The following EIF3CL variants were observed in gnomAD, a reference collection of about 807,000 sequenced individuals.
EIF3CL encodes the protein eukaryotic translation initiation factor 3 subunit C-like protein.
For missense variants in EIF3CL, 5 were observed against 56.1 expected (o/e 0.09, Z 2.91); for synonymous variants, 2 against 19.6 (o/e 0.10, Z 2.37).
chr16:28,414,661 A>AC, the EIF3CL span: 5 of 329,844 alleles, frequency 1.5e-5, 1 homozygote, highest in African/African-American at 1.2e-4. Context: ...AGCTTCAAGG[A>AC]CGAGCTGGAA....
chr16:28,421,893 A>G, the EIF3CL span, among the ~76,000 whole-genome samples: 1,518 of 111,270 alleles, frequency 0.014, 32 homozygotes, highest in African/African-American at 0.046. Context: ...TTATGGTTTA[A>G]TCACTTGAGA....
chr16:28,423,891 G>A, the EIF3CL span, among the ~76,000 whole-genome samples: 2 of 113,854 alleles, frequency 1.8e-5, no homozygotes, highest in African/African-American at 5.6e-5. Context: ...GCACTATCTC[G>A]GCTCACTGCA....
the EIF3CL span, among the ~76,000 whole-genome samples, chr16:28,412,279 T>TG: frequency 6.4e-5 from 1 of 15,636 alleles, no homozygotes; most frequent in East Asian, 1.7e-3. Flanking sequence ...TTTTTTTTTT[T>TG]TTTTTTTTTT....
rs1301042951 is a variant in EIF3CL at position 28,386,199 on chromosome 16, G to A, written c.1821+1859C>T. 3.4e-4 allele frequency among the ~76,000 whole-genome samples: 20 copies of A among 58,574 alleles called. 1 individual carries two copies. Among genetic ancestry groups the A allele is most frequent in the Non-Finnish European group, 5.2e-4 (14 of 26,948 alleles). 38.4% of individuals were successfully genotyped at this position (58,574 alleles called of 152,430 possible). On this transcript the variant is annotated intron_variant, in intron 15 of 20. Transcript: ENST00000380876. Reference sequence around the variant, plus strand: ...CTGCACTCCAGCCTGCCGACAGAGCGAGACTCCGTCTCCAAAAAAAAAAAA... The same window carrying A: ...CTGCACTCCAGCCTGCCGACAGAGCAAGACTCCGTCTCCAAAAAAAAAAAA...
chr16:28,417,270 G>T, the EIF3CL span, among the ~76,000 whole-genome samples: 1 of 149,392 alleles, frequency 6.7e-6, no homozygotes, highest in Non-Finnish European at 1.5e-5. Flanking sequence ...CCCCTACTGG[G>T]AAGTGAGGAG....
At chr16:28,415,488 A>G in the EIF3CL span, among the ~76,000 whole-genome samples, 1 of 142,120 alleles carries the variant, frequency 7.0e-6, no homozygotes, top group Non-Finnish European at 1.5e-5. Flanking sequence ...GGTGGCTCAC[A>G]CCCGTAATCC....
chr16:28,417,032 C>A, the EIF3CL span, among the ~76,000 whole-genome samples: 1 of 50,420 alleles, frequency 2.0e-5, no homozygotes, highest in Non-Finnish European at 4.2e-5. Flanking sequence ...CAGCCCCCCC[C>A]GCCCGGCCAG....
chr16:28,422,238 T>TTTG, the EIF3CL span, among the ~76,000 whole-genome samples: 3 of 97,750 alleles, frequency 3.1e-5, no homozygotes, highest in South Asian at 3.0e-4. Flanking sequence ...GTGGTTCTTC[T>TTTG]TTGTTGTTGT....
chr16:28,418,964 C>T, the EIF3CL span, among the ~76,000 whole-genome samples: 24 of 148,104 alleles, frequency 1.6e-4, no homozygotes, highest in Admixed American at 9.5e-4. Context: ...CTAGTCTCTG[C>T]GACTCTCCAG....
At chr16:28,403,227 G>C (rs1265913760) in intron 2 of EIF3CL, among the ~76,000 whole-genome samples, 1 of 73,080 alleles carries the variant, frequency 1.4e-5, no homozygotes, top group African/African-American at 4.5e-5. Flanking sequence ...GGTAAAATGA[G>C]AGGAGACAGG....
chr16:28,422,758 A>T, the EIF3CL span, among the ~76,000 whole-genome samples: 1 of 136,730 alleles, frequency 7.3e-6, no homozygotes, highest in Non-Finnish European at 1.6e-5. Context: ...AATCCCTCGA[A>T]CTCGGGAGGC....
At chr16:28,418,611 A>G in the EIF3CL span, among the ~76,000 whole-genome samples, 4 of 137,898 alleles carry the variant, frequency 2.9e-5, no homozygotes, top group Non-Finnish European at 4.8e-5. Context: ...TCCAACCAGC[A>G]TATGCTAAAC....
chr16:28,422,614 C>A, the EIF3CL span, among the ~76,000 whole-genome samples: 2 of 142,900 alleles, frequency 1.4e-5, no homozygotes, highest in Admixed American at 7.2e-5. Flanking sequence ...AGGTGGATTA[C>A]CTGAGGTCAG....
the EIF3CL span, among the ~76,000 whole-genome samples, chr16:28,415,913 G>A: frequency 1.0e-5 from 1 of 95,612 alleles, no homozygotes; most frequent in African/African-American, 4.0e-5. Context: ...CGGAGCCGAA[G>A]CTGGACTGTA....
At chr16:28,411,038 TTTTG>T in the EIF3CL span, among the ~76,000 whole-genome samples, 63 of 148,932 alleles carry the variant, frequency 4.2e-4, 1 homozygote, top group African/African-American at 1.3e-3. Context: ...GGACATTCTT[TTTTG>T]TTTGTTTGTT....
chr16:28,414,781 GA>G, the EIF3CL span: 1 of 444,228 alleles, frequency 2.3e-6, no homozygotes, highest in Non-Finnish European at 4.6e-6. Flanking sequence ...TGGTGGCCTG[GA>G]ACCCGTGGAG....
intron 2 of EIF3CL, among the ~76,000 whole-genome samples, chr16:28,402,879 T>C (rs965261462): frequency 3.0e-5 from 2 of 67,232 alleles, no homozygotes; most frequent in African/African-American, 1.0e-4. Flanking sequence ...TGCGATGGCG[T>C]GCACCTGTAG....
intron 8 of EIF3CL, among the ~76,000 whole-genome samples, chr16:28,392,774 AT>A (rs1179590483): frequency 6.8e-5 from 10 of 146,128 alleles, no homozygotes; most frequent in African/African-American, 1.0e-4. Context: ...ATATAAAAAC[AT>A]TTTTTTCTTT....
chr16:28,418,596 A>G, the EIF3CL span, among the ~76,000 whole-genome samples: 1 of 139,066 alleles, frequency 7.2e-6, no homozygotes, highest in Non-Finnish European at 1.6e-5. Flanking sequence ...ATTCTCTAAG[A>G]TCCATCCAAC....
Sources: allele counts gnomAD v4.1 joint callset (sites outside exome capture counted in the v4.1 genomes callset), GRCh38; gene constraint gnomAD v4.1.1; transcripts MANE v1.5; gene names NCBI Gene and HGNC (gene_info 2026-07-23, HGNC 2026-07-21).